The following PCDHGA2 variants were observed in gnomAD, a reference collection of about 807,000 sequenced individuals.
PCDHGA2 encodes protocadherin gamma-A2.
A neutral mutation model predicts 59.2 loss-of-function variants in PCDHGA2; 40 were observed. The ratio of observed to expected loss-of-function variants is 0.68; its 90% confidence interval spans 0.52 to 0.88. The LOEUF is 0.88. Ranked by LOEUF, PCDHGA2 falls within the 40% of genes least tolerant of loss-of-function variation. The pLI, the probability that PCDHGA2 is intolerant of heterozygous loss-of-function variation, is 0.00. For synonymous variants in PCDHGA2, 560 were observed against 526.0 expected (o/e 1.06, Z -0.89); for missense variants, 1,226 against 1,204.0 (o/e 1.02, Z -0.27).
At chr5:141,409,587 C>G (rs13184186) in intron 1 of PCDHGA2, 1 of 1,613,902 alleles carries the variant, frequency 6.2e-7, no homozygotes, top group Non-Finnish European at 8.5e-7. Context: ...GTCCACGTGG[C>G]CGAGAACAAC....
chr5:141,408,298 G>T (rs778209794), intron 1 of PCDHGA2: 1 of 1,613,704 alleles, frequency 6.2e-7, no homozygotes, highest in South Asian at 1.1e-5. Context: ...TGAGTGAGCC[G>T]ATCCGCTACT....
intron 1 of PCDHGA2, chr5:141,441,650 G>C (rs932742795): frequency 8.4e-6 from 2 of 238,510 alleles, no homozygotes; most frequent in African/African-American, 2.4e-5. Context: ...TGTGATTCTA[G>C]GTGTCCTTGA....
At chr5:141,374,150 C>T in intron 1 of PCDHGA2, 1 of 1,611,806 alleles carries the variant, frequency 6.2e-7, no homozygotes, top group Non-Finnish European at 8.5e-7. Context: ...CCTGGGGACG[C>T]TGTGGGGGGC....
chr5:141,376,222 G>T (rs1485996653), intron 1 of PCDHGA2: 2 of 1,614,068 alleles, frequency 1.2e-6, no homozygotes, highest in East Asian at 2.2e-5. Flanking sequence ...TGCTGCTGGC[G>T]CTCAGACTGC....
At chr5:141,393,270 C>A in intron 1 of PCDHGA2, 1 of 1,613,916 alleles carries the variant, frequency 6.2e-7, no homozygotes, top group East Asian at 2.2e-5. Context: ...AGCACGTTAT[C>A]CACTCCCAGA....
intron 1 of PCDHGA2, among the ~76,000 whole-genome samples, chr5:141,444,000 A>T (rs2098413157): frequency 6.6e-6 from 1 of 152,070 alleles, no homozygotes; most frequent in African/African-American, 2.4e-5. Context: ...TTTAAATGCT[A>T]CCTGGGTATT....
At chr5:141,452,538 G>T (rs1330051133) in intron 1 of PCDHGA2, among the ~76,000 whole-genome samples, 1 of 152,148 alleles carries the variant, frequency 6.6e-6, no homozygotes, top group Non-Finnish European at 1.5e-5. Flanking sequence ...AGTTCATATT[G>T]ATACCTCCAG....
At chr5:141,437,381 C>T (rs2097879875) in intron 1 of PCDHGA2, among the ~76,000 whole-genome samples, 1 of 152,222 alleles carries the variant, frequency 6.6e-6, no homozygotes, top group Non-Finnish European at 1.5e-5. Flanking sequence ...AGTCAGAAGA[C>T]ATTCATCCAC....
intron 1 of PCDHGA2, chr5:141,418,133 C>T (rs758498780): frequency 2.5e-6 from 4 of 1,613,924 alleles, no homozygotes; most frequent in Non-Finnish European, 3.4e-6. Flanking sequence ...CCGAATAGAC[C>T]GTGAGCAAAT....
chr5:141,418,294 C>G, intron 1 of PCDHGA2: 1 of 1,613,988 alleles, frequency 6.2e-7, no homozygotes. Flanking sequence ...TCAGTGAATC[C>G]GTCAGCCTGG....
At chr5:141,376,185 C>A (rs1772389815) in intron 1 of PCDHGA2, 9 of 1,614,158 alleles carry the variant, frequency 5.6e-6, no homozygotes, top group Non-Finnish European at 7.6e-6. Context: ...GCCGCGGTCT[C>A]CTGCGTCTTC....
intron 1 of PCDHGA2, chr5:141,356,685 C>A: frequency 1.2e-6 from 2 of 1,613,994 alleles, no homozygotes; most frequent in South Asian, 1.1e-5. Flanking sequence ...CCGAAGACAC[C>A]TTCCAGGGTG....
chr5:141,389,899 A>G (rs1328617262), intron 1 of PCDHGA2: 1 of 1,614,032 alleles, frequency 6.2e-7, no homozygotes, highest in South Asian at 1.1e-5. Flanking sequence ...GTGCTGCCGG[A>G]TATCACTGAC....
At chr5:141,471,073 G>A (rs2099249169) in intron 1 of PCDHGA2, among the ~76,000 whole-genome samples, 2 of 143,298 alleles carry the variant, frequency 1.4e-5, no homozygotes, top group Non-Finnish European at 3.0e-5. Flanking sequence ...TTTTGAGACA[G>A]GGTCTCCCTC....
rs70988800 is a variant in PCDHGA2, at chr5:141,379,889, CTTTTTTTTTTTTTTT to C, written c.2424+38510_2424+38524del. On this transcript the variant is annotated intron_variant, in intron 1 of 3. Coordinates refer to ENST00000394576, the MANE Select transcript of PCDHGA2 (RefSeq NM_018915.4). ...CTTATTTTATGGTCTGTGAAAGCCT[CTTTTTTTTTTTTTTT>C]TTTTTTTTTTTTTTTGTCAGAGTCT... Among the ~76,000 whole-genome samples the C allele has an allele frequency of 9.8e-4, 50 of 50,836 alleles. 1 individual carries two copies. Among genetic ancestry groups the C allele is most frequent in the Non-Finnish European group, 5.4e-4 (14 of 25,884 alleles). The allele number at this position is 50,836 out of a possible 152,430, so 33.4% of individuals were successfully genotyped here.
intron 1 of PCDHGA2, among the ~76,000 whole-genome samples, chr5:141,456,538 A>T (rs1010588747): frequency 7.2e-5 from 11 of 152,184 alleles, no homozygotes; most frequent in Admixed American, 3.3e-4. Context: ...TTAAAGAGGG[A>T]TTGTAGCCAC....
rs751462834 is a variant in PCDHGA2, at chr5:141,360,533, T to C, written c.2424+19138T>C. The C allele has an allele frequency of 6.2e-6, 10 of 1,613,980 alleles. No homozygotes were observed. In the African/African-American group the frequency reaches 1.3e-4, roughly 22 times the overall value. The stretch of plus-strand genomic sequence containing the variant: ...GATATAAATGATAATACCCCGCTAT[T>C]CAAACAGACTAAGATTAATTTAAAA... On this transcript the variant is annotated intron_variant, in intron 1 of 3. Coordinates refer to ENST00000394576, the MANE Select transcript of PCDHGA2 (RefSeq NM_018915.4).
chr5:141,353,819 G>T (rs149485600), intron 1 of PCDHGA2, among the ~76,000 whole-genome samples: 1 of 152,006 alleles, frequency 6.6e-6, no homozygotes, highest in Admixed American at 6.6e-5. Context: ...TCAATCATCC[G>T]CAGTTTGTGC....
chr5:141,428,426 C>T (rs1040765233), intron 1 of PCDHGA2: 1 of 435,172 alleles, frequency 2.3e-6, no homozygotes, highest in African/African-American at 2.0e-5. Context: ...GGTCTCTGTT[C>T]TAAGACTAGA....
Sources: gnomAD v4.1 joint callset for allele counts (sites outside exome capture counted in the v4.1 genomes callset) on GRCh38, gnomAD v4.1.1 for gene constraint, MANE v1.5 for transcripts, NCBI Gene and HGNC (gene_info 2026-07-23, HGNC 2026-07-21) for gene names.